ZFPM2: variants seen among roughly 807,000 people sequenced by gnomAD.
ZFPM2 encodes the protein zinc finger protein ZFPM2.
In ZFPM2, 20 loss-of-function variants were observed where a neutral mutation model predicts 98.6. The observed-to-expected ratio is 0.20, with a 90% confidence interval of 0.14 to 0.29. ZFPM2 has a LOEUF of 0.29. Ranked by LOEUF, ZFPM2 falls within the 10% of genes least tolerant of loss-of-function variation. ZFPM2 has a pLI of 1.00. For missense variants in ZFPM2, 1,310 were observed against 1,388.6 expected, an observed-to-expected ratio of 0.94 and a Z score of 0.90; for synonymous variants, 518 against 502.7, an observed-to-expected ratio of 1.03 and a Z score of -0.41.
In ZFPM2 at chr8:105,521,415, G is replaced by A. The variant is rs372581780; in HGVS notation, c.302-39948G>A. 4.6e-5 allele frequency among the ~76,000 whole-genome samples: 6 copies of A among 129,084 alleles called. No homozygotes were observed. The East Asian group carries it at 9.8e-4, about 21-fold the overall frequency. The allele number at this position is 129,084 out of a possible 152,430, so 84.7% of individuals were successfully genotyped here. A position where few individuals can be genotyped will look rare whatever the true frequency, so the allele number is the denominator to read the frequency against. On this transcript the variant is annotated intron_variant, in intron 3 of 7. Transcript: ENST00000407775. ...GAAATATATTAAGGGGGGAGGGGGG[G>A]AGGGATGAGTCAATCATCACAGTAT...
chr8:105,421,073 TA>T (rs1811783289), intron 2 of ZFPM2, among the ~76,000 whole-genome samples: 1 of 152,110 alleles, frequency 6.6e-6, no homozygotes, highest in African/African-American at 2.4e-5. Flanking sequence ...TGGGAGAAAA[TA>T]GATTTATGGC....
chr8:105,678,188 A>G (rs1810512940), intron 5 of ZFPM2, among the ~76,000 whole-genome samples: 1 of 152,310 alleles, frequency 6.6e-6, no homozygotes, highest in South Asian at 2.1e-4. Flanking sequence ...GTGTTTCTCA[A>G]GTAGAACATT....
chr8:105,330,948 G>T (rs1441701517), intron 1 of ZFPM2, among the ~76,000 whole-genome samples: 1 of 150,784 alleles, frequency 6.6e-6, no homozygotes, highest in African/African-American at 2.4e-5. Flanking sequence ...AATGCCAATT[G>T]CTTTGATAGT....
chr8:105,652,489 A>T (rs953134547), intron 5 of ZFPM2, among the ~76,000 whole-genome samples: 6 of 151,570 alleles, frequency 4.0e-5, no homozygotes, highest in Admixed American at 6.6e-5. Context: ...ATACATATAG[A>T]TAAGCTATTC....
chr8:105,422,889 G>GA (rs1811832726), intron 2 of ZFPM2, among the ~76,000 whole-genome samples: 1 of 152,142 alleles, frequency 6.6e-6, no homozygotes, highest in African/African-American at 2.4e-5. Flanking sequence ...CATTTCTGAA[G>GA]ACATAGCTTA....
At chr8:105,657,687 A>G (rs1206076504) in intron 5 of ZFPM2, among the ~76,000 whole-genome samples, 2 of 152,150 alleles carry the variant, frequency 1.3e-5, no homozygotes, top group African/African-American at 4.8e-5. Context: ...CCTTGTAGCT[A>G]CTTCACAAAA....
chr8:105,768,126 G>A (rs867021564), intron 5 of ZFPM2, among the ~76,000 whole-genome samples: 10 of 147,542 alleles, frequency 6.8e-5, no homozygotes, highest in African/African-American at 1.8e-4. Flanking sequence ...CTCTCTCTCC[G>A]TCTCTCTTTA....
intron 4 of ZFPM2, among the ~76,000 whole-genome samples, chr8:105,627,430 AAAG>A (rs1760681334): frequency 6.6e-6 from 1 of 152,150 alleles, no homozygotes; most frequent in Non-Finnish European, 1.5e-5. Context: ...TTTTTTTAAA[AAAG>A]AAGACATTCC....
At chr8:105,799,837 A>AATT in intron 7 of ZFPM2, among the ~76,000 whole-genome samples, 1 of 152,292 alleles carries the variant, frequency 6.6e-6, no homozygotes, top group East Asian at 1.9e-4. Context: ...TAGATTAAAT[A>AATT]ATTTTAAAAT....
At chr8:105,725,100 A>G (rs1811777068) in intron 5 of ZFPM2, among the ~76,000 whole-genome samples, 1 of 151,848 alleles carries the variant, frequency 6.6e-6, no homozygotes, top group Non-Finnish European at 1.5e-5. Context: ...GTAACTTTAC[A>G]GCTTTGCAGC....
intron 1 of ZFPM2, chr8:105,387,891 A>G (rs1811033301): frequency 6.6e-6 from 1 of 152,258 alleles, no homozygotes; most frequent in Non-Finnish European, 1.5e-5. Context: ...ATCAGAGAAA[A>G]AAAGACAACC....
chr8:105,555,311 G>A lies in ZFPM2; in HGVS notation c.302-6052G>A, dbSNP rs867843552. Among the ~76,000 whole-genome samples, 18 of 152,176 alleles carry A rather than the reference G, an allele frequency of 1.2e-4. No homozygotes were observed. In the Middle Eastern group the frequency reaches 0.017, roughly 144 times the overall value. ...TAACTGCAAAAATATGAACTGGGCA[G>A]AGAAGAACATTTTTTATTTTTTTAT... On this transcript the variant is annotated intron_variant, in intron 3 of 7. Transcript: ENST00000407775.
At chr8:105,325,559 C>T (rs967575577) in intron 1 of ZFPM2, among the ~76,000 whole-genome samples, 5 of 151,732 alleles carry the variant, frequency 3.3e-5, no homozygotes, top group Admixed American at 6.6e-5. Flanking sequence ...ACTCTCTGAT[C>T]GTCATGGCAA....
At chr8:105,453,984 A>G (rs1173330567) in intron 3 of ZFPM2, among the ~76,000 whole-genome samples, 1 of 152,172 alleles carries the variant, frequency 6.6e-6, no homozygotes, top group Non-Finnish European at 1.5e-5. Context: ...TTTGTTTTAA[A>G]CAAATATCAA....
intron 2 of ZFPM2, among the ~76,000 whole-genome samples, chr8:105,442,537 T>C (rs748951242): frequency 2.6e-5 from 4 of 152,204 alleles, no homozygotes; most frequent in Non-Finnish European, 5.9e-5. Context: ...GGGAATTTCA[T>C]TGGTGTTCAT....
intron 3 of ZFPM2, among the ~76,000 whole-genome samples, chr8:105,491,671 A>G (rs1265024596): frequency 1.3e-5 from 2 of 152,196 alleles, no homozygotes; most frequent in African/African-American, 4.8e-5. Flanking sequence ...GAATAGCTGT[A>G]TGTTTCATAT....
At chr8:105,377,775 G>T (rs1313792129) in intron 1 of ZFPM2, among the ~76,000 whole-genome samples, 1 of 152,020 alleles carries the variant, frequency 6.6e-6, no homozygotes, top group Non-Finnish European at 1.5e-5. Context: ...TCAATACTCT[G>T]TCTCAAAAGA....
chr8:105,655,802 A>G (rs1817274021), intron 5 of ZFPM2, among the ~76,000 whole-genome samples: 1 of 152,168 alleles, frequency 6.6e-6, no homozygotes, highest in African/African-American at 2.4e-5. Context: ...ATACTGACAA[A>G]TATCCTCTAA....
At chr8:105,378,750 GTC>G (rs1490761819) in intron 1 of ZFPM2, among the ~76,000 whole-genome samples, 2 of 152,210 alleles carry the variant, frequency 1.3e-5, no homozygotes, top group Admixed American at 1.3e-4. Flanking sequence ...GAGGATGGTA[GTC>G]TCTCTAAATC....
Sources: gnomAD v4.1 joint callset for allele counts (sites outside exome capture counted in the v4.1 genomes callset) on GRCh38, gnomAD v4.1.1 for gene constraint, MANE v1.5 for transcripts, NCBI Gene and HGNC (gene_info 2026-07-23, HGNC 2026-07-21) for gene names.